The following HERC2 variants were observed in gnomAD, a reference collection of about 807,000 sequenced individuals.
The protein encoded by HERC2 is E3 ubiquitin-protein ligase HERC2.
HERC2 carries 102 observed loss-of-function variants against 537.7 expected under a neutral mutation model. That is an observed-to-expected ratio of 0.19 (90% CI 0.16 to 0.22). HERC2 has a LOEUF of 0.22. HERC2 is among the 10% of genes least tolerant of loss of function. The pLI is 1.00. For synonymous variants in HERC2, 2,224 were observed against 2,466.2 expected (o/e 0.90, Z 2.91); for missense variants, 4,236 against 6,198.2 (o/e 0.68, Z 10.63).
chr15:28,239,678 T>C (rs560596941), intron 23 of HERC2, among the ~76,000 whole-genome samples: 205 of 144,320 alleles, frequency 1.4e-3, no homozygotes, highest in African/African-American at 5.2e-3. Context: ...CCAACGAGAC[T>C]GAATTCAAAT....
intron 23 of HERC2, among the ~76,000 whole-genome samples, chr15:28,241,157 T>A (rs1024901887): frequency 2.6e-5 from 4 of 152,092 alleles, no homozygotes; most frequent in African/African-American, 9.7e-5. Flanking sequence ...ATGCAGAATA[T>A]ATAATTAACT....
chr15:28,270,849 C>T lies in HERC2; in HGVS notation c.1103G>A (p.Ser368Asn). 1 of 1,613,686 alleles carries T rather than the reference C, an allele frequency of 6.2e-7. No individual in the cohort carries two copies. The highest frequency in any genetic ancestry group is 8.5e-7 in the Non-Finnish European group (1 of 1,179,822). Residue 368 changes from serine to asparagine, a missense_variant, in exon 10 of 93, where the codon AGC becomes AAC. This residue lies in a region of HERC2 where 491 missense variants were observed against 559.3 expected (regional missense o/e 0.88). Transcript: ENST00000261609. The stretch of plus-strand genomic sequence containing the variant: ...GTACCTCAGGAAACTCTCATTGGGG[C>T]TCAGAGGGCCAGACAAAAGCTAGAA... The part of the protein sequence containing the change: ...GDMHLLSGPL[S>N]PNESFLRYLT...
At chr15:28,149,066 C>T (rs1282648999) in intron 70 of HERC2, among the ~76,000 whole-genome samples, 4 of 149,834 alleles carry the variant, frequency 2.7e-5, no homozygotes, top group African/African-American at 7.4e-5. Flanking sequence ...AAAAAACAAA[C>T]GAGACTCCTA....
rs754060261 is a variant in HERC2 at position 28,269,280 on chromosome 15, C to T, written c.1414G>A (p.Val472Met). 2 of 1,613,976 alleles carry T rather than the reference C, an allele frequency of 1.2e-6. No individual in the cohort carries two copies. The highest frequency in any genetic ancestry group is 1.7e-5 in the Admixed American group (1 of 60,014). Residue 472 changes from valine (V) to methionine (M), a missense_variant, in exon 11 of 93, where the codon GTG becomes ATG. Transcript: ENST00000261609. The stretch of plus-strand genomic sequence containing the variant: ...TCACTATTATAGGCCTGTGTGTACA[C>T]GCGGCCATTGCGTGACAGAATCAGG... The part of the protein sequence containing the change: ...RFLILSRNGR[V>M]YTQAYNSDTL...
rs575007455 is a variant in HERC2, at chr15:28,113,888, C to G, written c.13914-210G>C. 3.3e-5 allele frequency among the ~76,000 whole-genome samples: 5 copies of G among 152,164 alleles called. No homozygotes were observed. The highest frequency in any genetic ancestry group is 1.2e-4 in the African/African-American group (5 of 41,428). ...CTCATCTCGTCCAGCCGACAGGGTA[C>G]GGCCTAATGACCACCTACAGCTATG... On this transcript the variant is annotated intron_variant, in intron 90 of 92. Transcript: ENST00000261609. This position sits in a 1 kb window ranked among gnomAD's most constrained non-coding sequence, Gnocchi z 7.0.
chr15:28,291,916 A>AGG (rs1288542462), intron 4 of HERC2, among the ~76,000 whole-genome samples: 1 of 147,258 alleles, frequency 6.8e-6, no homozygotes, highest in African/African-American at 2.5e-5. Context: ...AAGGAAAAAA[A>AGG]AAAAAAAAAA....
At chr15:28,248,233 C>T (rs1342988095) in intron 21 of HERC2, among the ~76,000 whole-genome samples, 2 of 152,174 alleles carry the variant, frequency 1.3e-5, no homozygotes, top group African/African-American at 4.8e-5. Flanking sequence ...TGTTTACTTC[C>T]TACATCATGC....
At chr15:28,297,189 G>A (rs1333122964) in intron 3 of HERC2, among the ~76,000 whole-genome samples, 1 of 152,112 alleles carries the variant, frequency 6.6e-6, no homozygotes, top group African/African-American at 2.4e-5. Flanking sequence ...GGAACAAATT[G>A]GTACATAAAT....
At position 28,265,877 on chromosome 15, in the gene HERC2, T is replaced by C. The variant is rs1485022528; in HGVS notation, c.1696A>G (p.Ile566Val). ...IACGSTYSAAITAEGELYTWG... is the reference protein window; with the variant it reads ...IACGSTYSAAVTAEGELYTWG... ...GTGTACAGCTCCCCCTCGGCAGTGA[T>C]GGCCGCACTGTAAGTGCTCCCGCAA... Residue 566 changes from isoleucine (I) to valine (V), a missense_variant, in exon 13 of 93, where the codon ATC becomes GTC. Around this residue, in one of 27 missense-constraint regions of HERC2, gnomAD observed 754 missense variants for 1,085.0 expected, o/e 0.69. Transcript: ENST00000261609. The surrounding 1 kb of genome is among the most constrained non-coding windows in gnomAD (Gnocchi z 4.0). 1.9e-6 allele frequency: 3 copies of C among 1,614,076 alleles called. No individual in the cohort carries two copies. The highest frequency in any genetic ancestry group is 2.2e-5 in the East Asian group (1 of 44,868).
intron 50 of HERC2, 82 bp downstream of exon 50, chr15:28,198,296 T>A: frequency 6.9e-7 from 1 of 1,455,202 alleles, no homozygotes; most frequent in Non-Finnish European, 9.4e-7. Flanking sequence ...CTGTTTTGTG[T>A]GCTTGAACAA....
chr15:28,219,511 A>G (rs746858944), intron 37 of HERC2, among the ~76,000 whole-genome samples: 2 of 152,172 alleles, frequency 1.3e-5, no homozygotes, highest in Non-Finnish European at 2.9e-5. Flanking sequence ...TGCCATATAC[A>G]TCGCTCCTAA....
intron 2 of HERC2, among the ~76,000 whole-genome samples, chr15:28,306,189 G>A (rs1278703064): frequency 1.3e-5 from 2 of 152,216 alleles, no homozygotes; most frequent in Non-Finnish European, 1.5e-5. Context: ...CTTTCAGTAT[G>A]ATACTAGCTG....
At chr15:28,165,877 C>G (rs1413068903) in intron 68 of HERC2, among the ~76,000 whole-genome samples, 5 of 152,158 alleles carry the variant, frequency 3.3e-5, no homozygotes, top group Admixed American at 2.6e-4. Flanking sequence ...AGCCCTGTCA[C>G]CCAAACAGCA....
chr15:28,287,331 C>T (rs551212809), intron 4 of HERC2, among the ~76,000 whole-genome samples: 1 of 152,128 alleles, frequency 6.6e-6, no homozygotes, highest in Non-Finnish European at 1.5e-5. Flanking sequence ...TGCTTTGAAT[C>T]CAAGCCCCTT....
At chr15:28,214,421 G>A in intron 40 of HERC2, 149 bp from the exon 41 acceptor site, 1 of 928,370 alleles carries the variant, frequency 1.1e-6, no homozygotes, top group Non-Finnish European at 1.7e-6. Flanking sequence ...CTGAGTGACG[G>A]CACTGCGCCG....
At chr15:28,220,949 C>T (rs1316399582) in intron 36 of HERC2, among the ~76,000 whole-genome samples, 4 of 138,072 alleles carry the variant, frequency 2.9e-5, no homozygotes, top group Non-Finnish European at 4.7e-5. Context: ...TAGGAGGGTG[C>T]GTGCCCTGCC....
intron 20 of HERC2, among the ~76,000 whole-genome samples, chr15:28,253,555 C>G (rs2075153183): frequency 6.6e-6 from 1 of 152,206 alleles, no homozygotes; most frequent in African/African-American, 2.4e-5. Context: ...GCTCTTTATT[C>G]TAACATCTAT....
At chr15:28,285,126 C>T (rs567027582) in intron 4 of HERC2, among the ~76,000 whole-genome samples, 1 of 151,962 alleles carries the variant, frequency 6.6e-6, no homozygotes, top group African/African-American at 2.4e-5. Flanking sequence ...TCTCTCTCTA[C>T]AGCTGATAAA....
At chr15:28,301,400 G>A (rs1326055669) in intron 2 of HERC2, among the ~76,000 whole-genome samples, 1 of 151,348 alleles carries the variant, frequency 6.6e-6, no homozygotes, top group Non-Finnish European at 1.5e-5. Flanking sequence ...GGGTGACAGA[G>A]CAAGACTTTA....
Sources: gnomAD v4.1 joint callset for allele counts (sites outside exome capture counted in the v4.1 genomes callset) on GRCh38, gnomAD v4.1.1 for gene constraint, gnomAD v4.1.1 regional missense constraint, Gnocchi (gnomAD v3.1) non-coding constraint, MANE v1.5 for transcripts, NCBI Gene and HGNC (gene_info 2026-07-23, HGNC 2026-07-21) for gene names.